The following PSD3 variants were observed in gnomAD, a reference collection of about 807,000 sequenced individuals.
The protein encoded by PSD3 is PH and SEC7 domain-containing protein 3.
PSD3 carries 49 observed loss-of-function variants against 105.5 expected under a neutral mutation model. That is an observed-to-expected ratio of 0.46 (90% confidence interval 0.37 to 0.59). PSD3 has a LOEUF of 0.59. Ranked by LOEUF, PSD3 falls within the 20% of genes least tolerant of loss-of-function variation. The pLI is 0.00. For missense variants in PSD3, 1,561 were observed against 1,263.8 expected, an observed-to-expected ratio of 1.24 and a Z score of -3.57; for synonymous variants, 557 against 457.8, an observed-to-expected ratio of 1.22 and a Z score of -2.77.
chr8:18,555,850 G>A (rs1053912594), intron 15 of PSD3, among the ~76,000 whole-genome samples: 1 of 152,160 alleles, frequency 6.6e-6, no homozygotes, highest in African/African-American at 2.4e-5. Context: ...CCTCCCTTGT[G>A]CTTTTTTTGA....
chr8:18,901,984 A>G (rs1819531101), intron 2 of PSD3, among the ~76,000 whole-genome samples: 2 of 152,084 alleles, frequency 1.3e-5, no homozygotes, highest in South Asian at 2.1e-4. Context: ...ACTTGTGTCA[A>G]TTTGACATAA....
chr8:18,621,953 A>T (rs1176631313), intron 11 of PSD3, among the ~76,000 whole-genome samples: 1 of 152,236 alleles, frequency 6.6e-6, no homozygotes, highest in East Asian at 1.9e-4. Flanking sequence ...GATGACTCAG[A>T]ATAAATTCTA....
chr8:18,937,499 C>T (rs1216661037), intron 1 of PSD3, among the ~76,000 whole-genome samples: 5 of 152,152 alleles, frequency 3.3e-5, no homozygotes, highest in East Asian at 3.9e-4. Context: ...CCAATCACAC[C>T]TCCATCACCC....
intron 1 of PSD3, among the ~76,000 whole-genome samples, chr8:18,982,268 A>T (rs1242354266): frequency 6.6e-6 from 1 of 152,176 alleles, no homozygotes; most frequent in African/African-American, 2.4e-5. Context: ...TCCATTTTTA[A>T]TTCTAGTTCT....
At chr8:18,740,942 C>T (rs1432944564) in intron 9 of PSD3, among the ~76,000 whole-genome samples, 1 of 152,158 alleles carries the variant, frequency 6.6e-6, no homozygotes, top group Non-Finnish European at 1.5e-5. Flanking sequence ...ACCTGGGTGC[C>T]TCCCTGAGGT....
In PSD3 at chr8:18,800,279, C is replaced by A. The variant is rs183513983; in HGVS notation, c.2024-926G>T. Among the ~76,000 whole-genome samples the A allele has an allele frequency of 1.7e-3, 260 of 152,212 alleles. 1 individual carries two copies. The highest frequency in any genetic ancestry group is 5.9e-3 in the African/African-American group (244 of 41,518). ...TATCTCCTTCATTCTCTTGTCAGGG[C>A]TAATGGTGACAGAGATAGTGAATAA... On this transcript the variant is annotated intron_variant, in intron 7 of 15. Coordinates refer to ENST00000327040, the MANE Select transcript of PSD3 (RefSeq NM_015310.4).
At chr8:18,808,826 G>A (rs775259611) in intron 4 of PSD3, 6 of 1,613,036 alleles carry the variant, frequency 3.7e-6, no homozygotes, top group Admixed American at 3.3e-5. Flanking sequence ...CTTCCTCTCC[G>A]AAGCCCCGTC....
intron 1 of PSD3, among the ~76,000 whole-genome samples, chr8:18,960,652 A>G (rs529544958): frequency 6.6e-6 from 1 of 152,344 alleles, no homozygotes; most frequent in Non-Finnish European, 1.5e-5. Context: ...TACACTTTCT[A>G]TGTATAACCA....
intron 9 of PSD3, among the ~76,000 whole-genome samples, chr8:18,690,381 A>G (rs1352569920): frequency 6.6e-6 from 1 of 152,240 alleles, no homozygotes; most frequent in Non-Finnish European, 1.5e-5. Flanking sequence ...AAGGATACAT[A>G]AACACACAAG....
intron 1 of PSD3, among the ~76,000 whole-genome samples, chr8:19,005,285 A>ACTACTTCATGGATGAGTACTACTT (rs1811005027): frequency 1.3e-5 from 2 of 152,022 alleles, no homozygotes; most frequent in Non-Finnish European, 2.9e-5. Flanking sequence ...AAGTACTAAC[A>ACTACTTCATGGATGAGTACTACTT]CATGCTACTT....
At chr8:19,084,303 G>T in exon 1 of PSD3, 1 of 456,260 alleles carries the variant, frequency 2.2e-6, no homozygotes, top group Non-Finnish European at 4.4e-6. Context: ...CTGCGCTGTG[G>T]TACCTGTGGC....
intron 14 of PSD3, among the ~76,000 whole-genome samples, chr8:18,568,842 G>T (rs556405481): frequency 4.6e-5 from 7 of 151,326 alleles, no homozygotes; most frequent in African/African-American, 7.3e-5. Context: ...ATCTCCCGAT[G>T]CTATCCCTCC....
chr8:18,821,863 G>GCC (rs1812760454), intron 4 of PSD3, among the ~76,000 whole-genome samples: 1 of 99,962 alleles, frequency 1.0e-5, no homozygotes, highest in East Asian at 2.4e-4. Context: ...GCACACACAT[G>GCC]CACACACACC....
chr8:18,943,270 G>A (rs997515208), intron 1 of PSD3, among the ~76,000 whole-genome samples: 1 of 152,150 alleles, frequency 6.6e-6, no homozygotes, highest in Non-Finnish European at 1.5e-5. Context: ...GGGGAAGGGA[G>A]ACGTCCAGTG....
intron 1 of PSD3, among the ~76,000 whole-genome samples, chr8:18,964,937 C>T (rs1434033622): frequency 7.9e-5 from 12 of 152,128 alleles, no homozygotes; most frequent in Non-Finnish European, 2.9e-5. Flanking sequence ...AATCCCAGCC[C>T]TAAAATATTT....
intron 11 of PSD3, among the ~76,000 whole-genome samples, chr8:18,606,340 C>T (rs1015726250): frequency 7.2e-5 from 11 of 152,130 alleles, no homozygotes; most frequent in Non-Finnish European, 1.6e-4. Context: ...CAAAAATGTC[C>T]TGAAGGCTTA....
intron 4 of PSD3, among the ~76,000 whole-genome samples, chr8:18,815,513 G>A (rs1340935359): frequency 1.3e-5 from 2 of 152,080 alleles, no homozygotes; most frequent in African/African-American, 4.8e-5. Flanking sequence ...GTTTCACCAT[G>A]TTGGCCAGGC....
chr8:18,984,221 T>A (rs1825387639), intron 1 of PSD3, among the ~76,000 whole-genome samples: 1 of 111,298 alleles, frequency 9.0e-6, no homozygotes, highest in South Asian at 3.2e-4. Flanking sequence ...AATAATAATA[T>A]CTACAAAGCA....
chr8:18,981,044 CT>C (rs1189781491), intron 1 of PSD3, among the ~76,000 whole-genome samples: 10 of 152,180 alleles, frequency 6.6e-5, no homozygotes, highest in African/African-American at 2.4e-4. Context: ...CCTGGCTCCC[CT>C]GTCCCTGCTC....
Sources: allele counts gnomAD v4.1 joint callset (sites outside exome capture counted in the v4.1 genomes callset), GRCh38; gene constraint gnomAD v4.1.1; transcripts MANE v1.5; gene names NCBI Gene and HGNC (gene_info 2026-07-23, HGNC 2026-07-21).